ASMT: variants seen among roughly 807,000 people sequenced by gnomAD.
ASMT encodes acetylserotonin O-methyltransferase.
Under a neutral mutation model 41.3 loss-of-function variants are expected in ASMT, and 53 were observed. That is an observed-to-expected ratio of 1.28 (90% CI 1.03 to 1.61). ASMT has a LOEUF of 1.61. Among genes scored for constraint, ASMT ranks in the 40% most tolerant of loss-of-function variants. The pLI is 0.00. For missense variants in ASMT, 531 were observed against 441.3 expected (o/e 1.20, Z -1.82); for synonymous variants, 231 against 184.8 (o/e 1.25, Z -2.03).
intron 1 of ASMT, among the ~76,000 whole-genome samples, chrX:1,617,822 T>G (rs1603461103): frequency 6.6e-6 from 1 of 151,518 alleles, no homozygotes; most frequent in South Asian, 2.1e-4. Context: ...TCTATGTTGG[T>G]CAGGCTGGTC....
At chrX:1,631,255 G>T (rs1934767330) in intron 5 of ASMT, among the ~76,000 whole-genome samples, 1 of 151,616 alleles carries the variant, frequency 6.6e-6, no homozygotes, top group Non-Finnish European at 1.5e-5. Context: ...TCCCTATGTT[G>T]CCCTGGCTGG....
intron 1 of ASMT, among the ~76,000 whole-genome samples, chrX:1,615,473 A>C (rs1185148314): frequency 6.6e-6 from 1 of 152,016 alleles, no homozygotes; most frequent in Non-Finnish European, 1.5e-5. Flanking sequence ...TTGGTTTGAT[A>C]CATTTTACAG....
intron 4 of ASMT, among the ~76,000 whole-genome samples, chrX:1,628,569 C>T (rs1169802796): frequency 2.0e-5 from 3 of 149,986 alleles, no homozygotes; most frequent in African/African-American, 2.4e-5. Flanking sequence ...GGTTCGCCTG[C>T]CCCCCAACCT....
rs1162263155 is a variant in ASMT at position 1,642,823 on chromosome X, G to A, written c.931G>A (p.Glu311Lys). 2 of 1,613,926 alleles carry A rather than the reference G, an allele frequency of 1.2e-6. No individual in the cohort carries two copies. Among genetic ancestry groups the A allele is most frequent in the African/African-American group, 2.7e-5 (2 of 75,026 alleles). The change falls in exon 9 of 9, where the codon GAA becomes AAA. Residue 311 changes from glutamate (E) to lysine (K), a missense_variant. Glu to Lys is a moderately conservative substitution (Grantham distance 56). Coordinates refer to ENST00000381241, the MANE Select transcript of ASMT (RefSeq NM_001171038.2). ...CKPGGGILVI[E>K]SLLDEDRRGP... ...TCTAGGTGGTGGCATTCTGGTAATT[G>A]AAAGCCTCCTGGATGAAGACAGGCG...
intron 8 of ASMT, among the ~76,000 whole-genome samples, chrX:1,637,106 C>CTGTGTGTGATGGGGACAGTGTCCCAGTG (rs1935015333): frequency 9.6e-6 from 1 of 103,918 alleles, no homozygotes. Flanking sequence ...TGTCCCAGCT[C>CTGTGTGTGATGGGGACAGTGTCCCAGTG]TCCTGTGAGG....
chrX:1,616,944 A>T (rs757232459), intron 1 of ASMT, among the ~76,000 whole-genome samples: 1 of 151,566 alleles, frequency 6.6e-6, no homozygotes, highest in Non-Finnish European at 1.5e-5. Context: ...TCCTGACCTC[A>T]TGATCCGCCC....
chrX:1,615,770 C>G (rs776154599), intron 1 of ASMT, among the ~76,000 whole-genome samples: 107 of 151,762 alleles, frequency 7.1e-4, no homozygotes, highest in African/African-American at 2.3e-3. Flanking sequence ...CCACTGCACT[C>G]CCGCCTGGGG....
rs1439226485 is a variant in ASMT at position 1,636,163 on chromosome X, T to C, written c.788-275T>C. 22 of 460,148 alleles carry C rather than the reference T, an allele frequency of 4.8e-5. 1 individual carries two copies. The Admixed American group carries it at 6.8e-4, about 14-fold the overall frequency. 28.5% of individuals were successfully genotyped at this position (460,148 alleles called of 1,614,324 possible). A position where few individuals can be genotyped will look rare whatever the true frequency, so the allele number is the denominator to read the frequency against. ...TAGTAGAGACAGGGTTTCACCGTGT[T>C]AGCCAGGATGGTCTTGATCTCCTGA... is the stretch of plus-strand genomic sequence containing the variant. On this transcript the variant is annotated intron_variant, in intron 7 of 8. Transcript: ENST00000381241.
intron 8 of ASMT, among the ~76,000 whole-genome samples, chrX:1,636,971 A>ATC (rs1569384315): frequency 1.5e-3 from 57 of 38,314 alleles, no homozygotes; most frequent in East Asian, 0.012. Context: ...TCCTGATGGC[A>ATC]CATGAGGATG....
Position 1,618,876 on chromosome X carries a change from CG to C in ASMT, c.69+3610del, listed in dbSNP as rs770792575. On this transcript the variant is annotated intron_variant, in intron 1 of 8. Transcript: ENST00000381241. ...TTCAAAGACTGTCGCTGGTTCACAGCGGTGTTCAGGGAGGTGGTCTGGTGGG... is the reference window on the plus strand; with the variant it reads ...TTCAAAGACTGTCGCTGGTTCACAGCGTGTTCAGGGAGGTGGTCTGGTGGG... Among the ~76,000 whole-genome samples the C allele has an allele frequency of 1.8e-3, 271 of 152,260 alleles. 1 individual carries two copies. The highest frequency in any genetic ancestry group is 6.3e-3 in the African/African-American group (261 of 41,548).
At chrX:1,616,630 G>C (rs757973087) in intron 1 of ASMT, among the ~76,000 whole-genome samples, 1 of 151,386 alleles carries the variant, frequency 6.6e-6, no homozygotes, top group Non-Finnish European at 1.5e-5. Context: ...AACGGTTTGG[G>C]GGTCCGAAAC....
At chrX:1,631,456 T>C (rs1217833801) in intron 5 of ASMT, among the ~76,000 whole-genome samples, 6 of 152,090 alleles carry the variant, frequency 3.9e-5, no homozygotes, top group Admixed American at 2.6e-4. Flanking sequence ...CCACCCACCC[T>C]ATCTCCCTCC....
chrX:1,616,396 G>C (rs1347680955), intron 1 of ASMT, among the ~76,000 whole-genome samples: 1 of 151,372 alleles, frequency 6.6e-6, no homozygotes, highest in Non-Finnish European at 1.5e-5. Flanking sequence ...GTGCAGAGCA[G>C]GCAAATCCTT....
chrX:1,640,612 G>C (rs1299463707), intron 8 of ASMT, among the ~76,000 whole-genome samples: 4 of 26,454 alleles, frequency 1.5e-4, no homozygotes, highest in African/African-American at 2.2e-4. Context: ...CACAGCCTCT[G>C]TGTGTGAGAT....
Position 1,636,542 on chromosome X carries a change from T to A in ASMT, c.892T>A (p.Tyr298Asn), listed in dbSNP as rs1432782201. The change falls in exon 8 of 9, where the codon TAC (tyrosine) becomes AAC (asparagine). Residue 298 changes from tyrosine to asparagine, a missense_variant. Physicochemically the swap from Tyr to Asn is moderately radical, Grantham distance 143. Transcript: ENST00000381241. ...GTGCTCACACCTGCTGGAGAGGATC[T>A]ACCACACTTGCAAGCCAGGTAAGTT... is the stretch of plus-strand genomic sequence containing the variant. ...GKCSHLLERIYHTCKPGGGIL... is the reference protein window; with the variant it reads ...GKCSHLLERINHTCKPGGGIL... 1 of 1,612,932 alleles carries A rather than the reference T, an allele frequency of 6.2e-7. No individual in the cohort carries two copies. The highest frequency in any genetic ancestry group is 1.3e-5 in the African/African-American group (1 of 74,392).
Position 1,623,125 on chromosome X carries a change from G to A in ASMT, c.70-14G>A, listed in dbSNP as rs201557588. On this transcript the variant is annotated splice_polypyrimidine_tract_variant and intron_variant, in intron 1 of 8. Coordinates refer to ENST00000381241, the MANE Select transcript of ASMT (RefSeq NM_001171038.2). Reference sequence around the variant, plus strand: ...GGCTGAGCCCTGACCTTTTATTTCCGCTCCTGCTCCAAGGTTCTCTTCGCC... The same window carrying A: ...GGCTGAGCCCTGACCTTTTATTTCCACTCCTGCTCCAAGGTTCTCTTCGCC... 46 of 1,612,054 alleles carry A rather than the reference G, an allele frequency of 2.9e-5. No homozygotes were observed. Among genetic ancestry groups the A allele is most frequent in the South Asian group, 1.2e-4 (11 of 90,994 alleles).
At chrX:1,630,562 T>G (rs1342662476) in intron 5 of ASMT, among the ~76,000 whole-genome samples, 1 of 151,654 alleles carries the variant, frequency 6.6e-6, no homozygotes, top group Middle Eastern at 3.2e-3. Context: ...GCCTCGGTCT[T>G]GTTTTTAGTT....
At chrX:1,624,248 G>T in intron 2 of ASMT, 21 bp from the exon 3 acceptor site, 1 of 1,613,792 alleles carries the variant, frequency 6.2e-7, no homozygotes, top group Non-Finnish European at 8.5e-7. Flanking sequence ...CTTTTTCCCT[G>T]TTTTTTTGTG....
chrX:1,629,337 G>T (rs1934683058), intron 4 of ASMT, among the ~76,000 whole-genome samples: 1 of 152,026 alleles, frequency 6.6e-6, no homozygotes, highest in African/African-American at 2.4e-5. Flanking sequence ...GGGGGGAGGA[G>T]CAGGAAATGC....
Sources: gnomAD v4.1 joint callset for allele counts (sites outside exome capture counted in the v4.1 genomes callset) on GRCh38, gnomAD v4.1.1 for gene constraint, MANE v1.5 for transcripts, NCBI Gene and HGNC (gene_info 2026-07-23, HGNC 2026-07-21) for gene names.